Variants in SLC35D1 observed in about 807,000 individuals in gnomAD.
SLC35D1 encodes solute carrier family 35 member D1.
In SLC35D1, 31 loss-of-function variants were observed where a neutral mutation model predicts 46.7. That is an observed-to-expected ratio of 0.66 (90% confidence interval 0.50 to 0.90). The LOEUF is 0.90. Among genes scored for constraint, SLC35D1 ranks in the 40% least tolerant of loss-of-function variants. The pLI is 0.00. For missense variants in SLC35D1, 397 were observed against 426.2 expected (o/e 0.93, Z 0.60); for synonymous variants, 195 against 164.6 (o/e 1.18, Z -1.41).
intron 5 of SLC35D1, among the ~76,000 whole-genome samples, chr1:67,050,188 C>A (rs1383853028): frequency 6.6e-6 from 1 of 152,064 alleles, no homozygotes; most frequent in Non-Finnish European, 1.5e-5. Context: ...TCCAGCTTCT[C>A]CCGGTGGCAG....
chr1:67,034,201 A>G (rs1428881603), intron 8 of SLC35D1, among the ~76,000 whole-genome samples: 1 of 152,176 alleles, frequency 6.6e-6, no homozygotes, highest in Non-Finnish European at 1.5e-5. Flanking sequence ...CATAAATTTT[A>G]GGATATTTTT....
At chr1:66,976,674 A>T in the SLC35D1 span, 3 of 1,607,030 alleles carry the variant, frequency 1.9e-6, no homozygotes, top group Non-Finnish European at 8.5e-7. Context: ...TTCTTTGCTC[A>T]GCAAACACGA....
chr1:66,990,612 AC>A, the SLC35D1 span, among the ~76,000 whole-genome samples: 2 of 152,158 alleles, frequency 1.3e-5, no homozygotes, highest in African/African-American at 4.8e-5. Context: ...AAAACAACTC[AC>A]TTAGGATTGC....
intron 8 of SLC35D1, among the ~76,000 whole-genome samples, chr1:67,040,871 C>T (rs1283027406): frequency 3.3e-5 from 5 of 152,180 alleles, no homozygotes; most frequent in African/African-American, 1.2e-4. Flanking sequence ...AGATTTAGAA[C>T]CATATATCAC....
chr1:67,006,431 A>G (rs1325836144), intron 11 of SLC35D1, among the ~76,000 whole-genome samples: 1 of 152,024 alleles, frequency 6.6e-6, no homozygotes, highest in African/African-American at 2.4e-5. Flanking sequence ...ACCCCAAAAC[A>G]AAGTAGAAGG....
chr1:67,020,837 G>C (rs767960990), intron 9 of SLC35D1, among the ~76,000 whole-genome samples: 4 of 152,170 alleles, frequency 2.6e-5, no homozygotes. Context: ...GAAGACAAGA[G>C]AGATCCTTAA....
chr1:66,974,030 A>T, the SLC35D1 span, among the ~76,000 whole-genome samples: 1 of 151,956 alleles, frequency 6.6e-6, no homozygotes, highest in Non-Finnish European at 1.5e-5. Flanking sequence ...TTAATAAAAT[A>T]TTTACAAATC....
chr1:67,048,773 T>C (rs954804402), intron 6 of SLC35D1, among the ~76,000 whole-genome samples: 1 of 152,190 alleles, frequency 6.6e-6, no homozygotes, highest in Non-Finnish European at 1.5e-5. Flanking sequence ...TCTAGGTCTG[T>C]GGGTATACAT....
At chr1:67,053,072 A>C in intron 1 of SLC35D1, 83 bp from the exon 2 acceptor site, 1 of 1,472,302 alleles carries the variant, frequency 6.8e-7, no homozygotes, top group Non-Finnish European at 9.3e-7. Context: ...CGGCAACGTT[A>C]ATAAGGCATT....
chr1:67,019,512 T>A (rs1256115403), intron 10 of SLC35D1, among the ~76,000 whole-genome samples: 2 of 152,166 alleles, frequency 1.3e-5, no homozygotes, highest in Non-Finnish European at 2.9e-5. Flanking sequence ...TAAACTGAGA[T>A]CAGGTGGGCA....
chr1:67,044,596 C>T (rs1645231122), intron 7 of SLC35D1, among the ~76,000 whole-genome samples: 1 of 152,216 alleles, frequency 6.6e-6, no homozygotes, highest in African/African-American at 2.4e-5. Flanking sequence ...CAGTGCTTCT[C>T]ACTCGATGAT....
the SLC35D1 span, among the ~76,000 whole-genome samples, chr1:66,979,113 G>A: frequency 2.8e-3 from 431 of 151,712 alleles, 2 homozygotes; most frequent in African/African-American, 0.01. Flanking sequence ...TTTTTATAAA[G>A]TTTATTTAAC....
intron 8 of SLC35D1, among the ~76,000 whole-genome samples, chr1:67,033,112 A>G (rs1258666076): frequency 1.3e-5 from 2 of 152,092 alleles, no homozygotes; most frequent in Non-Finnish European, 2.9e-5. Context: ...TCCATTGTTT[A>G]TATGTACCAC....
intron 10 of SLC35D1, among the ~76,000 whole-genome samples, chr1:67,017,100 T>C (rs2755243): frequency 0.58 from 88,235 of 152,012 alleles, 27,801 homozygotes; most frequent in East Asian, 0.84. Context: ...TAATCTAAGA[T>C]TCCTTATTAA....
At position 67,032,392 on chromosome 1, in the gene SLC35D1, C is replaced by T. The variant is rs956906365; in HGVS notation, c.729+9844G>A. On this transcript the variant is annotated intron_variant, in intron 8 of 11. Transcript: ENST00000235345. ...ACAGGCATGCAATGTGTAATAATCA[C>T]ATCATGGGCTGGGCTCGGTGGCTCA... 1.0e-3 allele frequency among the ~76,000 whole-genome samples: 153 copies of T among 151,864 alleles called. 1 individual carries two copies. The highest frequency in any genetic ancestry group is 3.1e-4 in the Non-Finnish European group (21 of 67,950).
the SLC35D1 span, chr1:66,984,612 G>A: frequency 8.2e-4 from 1,317 of 1,609,280 alleles, 9 homozygotes; most frequent in African/African-American, 0.016. Context: ...TAAACAAAGA[G>A]GAAGTAAAAG....
chr1:66,996,114 AAT>A (rs1491543731), downstream of SLC35D1, among the ~76,000 whole-genome samples: 66 of 152,230 alleles, frequency 4.3e-4, no homozygotes, highest in Non-Finnish European at 2.9e-5. Context: ...GGAAGGACCA[AAT>A]ATGAGAAGGC....
At chr1:66,984,750 A>C in the SLC35D1 span, 2 of 1,614,082 alleles carry the variant, frequency 1.2e-6, no homozygotes, top group Non-Finnish European at 1.7e-6. Flanking sequence ...TGACTGCAAG[A>C]AATGAAAATG....
At chr1:67,037,704 A>C (rs544695699) in intron 8 of SLC35D1, among the ~76,000 whole-genome samples, 3 of 152,290 alleles carry the variant, frequency 2.0e-5, no homozygotes, top group Non-Finnish European at 4.4e-5. Context: ...CTAAAATCCA[A>C]AGTGTGACAG....
Sources: gnomAD v4.1 joint callset for allele counts (sites outside exome capture counted in the v4.1 genomes callset) on GRCh38, gnomAD v4.1.1 for gene constraint, MANE v1.5 for transcripts, NCBI Gene and HGNC (gene_info 2026-07-23, HGNC 2026-07-21) for gene names.